OLFM3: variants seen among roughly 807,000 people sequenced by gnomAD.
The protein encoded by OLFM3 is noelin-3.
OLFM3 carries 20 observed loss-of-function variants against 48.6 expected under a neutral mutation model. The observed-to-expected ratio is 0.41, with a 90% confidence interval of 0.29 to 0.60. OLFM3 has a LOEUF of 0.60. Among genes scored for constraint, OLFM3 ranks in the 20% least tolerant of loss-of-function variants. The pLI, the probability that OLFM3 is intolerant of heterozygous loss-of-function variation, is 0.28. For missense variants in OLFM3, 437 were observed against 544.3 expected (o/e 0.80, Z 1.96); for synonymous variants, 222 against 198.1 (o/e 1.12, Z -1.01).
chr1:101,916,486 A>G (rs945566913), intron 1 of OLFM3, among the ~76,000 whole-genome samples: 1 of 152,132 alleles, frequency 6.6e-6, no homozygotes, highest in African/African-American at 2.4e-5. Context: ...TTGAAGAATC[A>G]GCATTCTGGC....
At chr1:101,902,517 T>C (rs1658421812) in intron 1 of OLFM3, among the ~76,000 whole-genome samples, 1 of 151,842 alleles carries the variant, frequency 6.6e-6, no homozygotes, top group Admixed American at 6.6e-5. Context: ...GAAATGAAAC[T>C]AAGAGGAACT....
chr1:101,837,179 T>G (rs944030450), intron 1 of OLFM3, 154 bp from the exon 2 acceptor site: 3 of 712,236 alleles, frequency 4.2e-6, no homozygotes, highest in Non-Finnish European at 6.7e-6. Context: ...ACAATTTATA[T>G]AGGCAGTATA....
chr1:101,871,465 T>A (rs185128125), intron 1 of OLFM3, among the ~76,000 whole-genome samples: 2 of 152,204 alleles, frequency 1.3e-5, no homozygotes, highest in East Asian at 1.9e-4. Context: ...TGTGTAAAAA[T>A]ATTGAGTGGT....
rs553225767 is a variant in OLFM3 at position 101,852,931 on chromosome 1, C to T, written c.70-15906G>A. On this transcript the variant is annotated intron_variant, in intron 1 of 5. Transcript: ENST00000370103. ...TTGTACCATCCCAGCTGCCACTGTGCTGCTTCAAGCCTCCATTGTCTTTTA... is the reference window on the plus strand; with the variant it reads ...TTGTACCATCCCAGCTGCCACTGTGTTGCTTCAAGCCTCCATTGTCTTTTA... Among the ~76,000 whole-genome samples, 5 of 152,256 alleles carry T rather than the reference C, an allele frequency of 3.3e-5. No homozygotes were observed. In the East Asian group the frequency reaches 5.8e-4, roughly 18 times the overall value.
At chr1:101,853,831 G>A (rs1120398) in intron 1 of OLFM3, among the ~76,000 whole-genome samples, 79,657 of 151,788 alleles carry the variant, frequency 0.52, 21,620 homozygotes, top group African/African-American at 0.64. Context: ...GAAACATTAT[G>A]CTTATAGTTA....
chr1:101,893,468 C>A, intron 1 of OLFM3: 1 of 279,928 alleles, frequency 3.6e-6, no homozygotes, highest in Non-Finnish European at 7.4e-6. Flanking sequence ...TTCATATTGA[C>A]AAAAGCATGA....
At chr1:101,826,750 A>G (rs1654883883) in intron 3 of OLFM3, among the ~76,000 whole-genome samples, 2 of 152,210 alleles carry the variant, frequency 1.3e-5, no homozygotes, top group African/African-American at 4.8e-5. Context: ...TTGGAAATAG[A>G]CTTATTAAAG....
chr1:101,957,977 A>G (rs1445620210), intron 1 of OLFM3, among the ~76,000 whole-genome samples: 1 of 152,098 alleles, frequency 6.6e-6, no homozygotes, highest in African/African-American at 2.4e-5. Flanking sequence ...AAAGAGGTGC[A>G]GCAACTGTGG....
chr1:101,871,214 G>C (rs1657072009), intron 1 of OLFM3, among the ~76,000 whole-genome samples: 1 of 151,886 alleles, frequency 6.6e-6, no homozygotes, highest in Admixed American at 6.6e-5. Flanking sequence ...GCTGACACAG[G>C]AATGAATATG....
rs186071850 is a variant in OLFM3 at position 101,895,810 on chromosome 1, A to T, written c.70-58785T>A. On this transcript the variant is annotated intron_variant, in intron 1 of 5. Coordinates refer to ENST00000370103, the MANE Select transcript of OLFM3 (RefSeq NM_058170.4). ...AATTTTTATGTTACACTGCAAATGA[A>T]AAACTTGCAAAATTTTCAGTGTTTG... Among the ~76,000 whole-genome samples the T allele has an allele frequency of 7.4e-3, 1,128 of 152,236 alleles. 3 individuals carry two copies. Among genetic ancestry groups the T allele is most frequent in the Admixed American group, 0.013 (192 of 15,292 alleles).
chr1:101,879,614 C>A (rs1251144857), intron 1 of OLFM3, among the ~76,000 whole-genome samples: 1 of 151,762 alleles, frequency 6.6e-6, no homozygotes, highest in Non-Finnish European at 1.5e-5. Flanking sequence ...ATTACTAATT[C>A]ACTTAATATA....
chr1:101,958,683 A>G (rs1282575358), intron 1 of OLFM3, among the ~76,000 whole-genome samples: 1 of 152,082 alleles, frequency 6.6e-6, no homozygotes, highest in Non-Finnish European at 1.5e-5. Context: ...TATAAAATGT[A>G]TGAACATGAG....
chr1:101,842,308 T>A (rs1344151079), intron 1 of OLFM3, among the ~76,000 whole-genome samples: 2 of 152,068 alleles, frequency 1.3e-5, no homozygotes, highest in Non-Finnish European at 2.9e-5. Context: ...CTGGGGCAGG[T>A]GGATGGCTTG....
chr1:101,814,670 G>C lies in OLFM3; in HGVS notation c.593-8488C>G, dbSNP rs77815914. 5.8e-3 allele frequency among the ~76,000 whole-genome samples: 881 copies of C among 152,314 alleles called. 5 individuals carry two copies. The highest frequency in any genetic ancestry group is 0.016 in the African/African-American group (682 of 41,570). ...AAAGTGGTTGGGGACATGGGTTAAA[G>C]AGTCGGCCTGGATTTGAATCCTGAT... On this transcript the variant is annotated intron_variant, in intron 4 of 5. Transcript: ENST00000370103.
Position 101,934,099 on chromosome 1 carries a change from C to G in OLFM3, c.69+62649G>C, listed in dbSNP as rs975262077. Among the ~76,000 whole-genome samples the G allele has an allele frequency of 4.0e-5, 6 of 151,790 alleles. 1 individual carries two copies. Among genetic ancestry groups the G allele is most frequent in the Non-Finnish European group, 7.4e-5 (5 of 68,014 alleles). On this transcript the variant is annotated intron_variant, in intron 1 of 5. Transcript: ENST00000370103. Reference sequence around the variant, plus strand: ...CCAGTTAAAAACATAATGTCAGGATCAAATCTGCACATATGAATATTAACC... The same window carrying G: ...CCAGTTAAAAACATAATGTCAGGATGAAATCTGCACATATGAATATTAACC...
intron 1 of OLFM3, among the ~76,000 whole-genome samples, chr1:101,925,151 A>G (rs1324983222): frequency 6.6e-6 from 1 of 152,144 alleles, no homozygotes; most frequent in African/African-American, 2.4e-5. Context: ...GGGAAGGAGA[A>G]TAGAATAGTT....
At chr1:101,934,858 C>A (rs951036093) in intron 1 of OLFM3, among the ~76,000 whole-genome samples, 1 of 151,816 alleles carries the variant, frequency 6.6e-6, no homozygotes, top group Admixed American at 6.6e-5. Context: ...CAACATATAC[C>A]CGAATGACTT....
At chr1:101,921,200 T>TACACACACACAC (rs142071103) in intron 1 of OLFM3, among the ~76,000 whole-genome samples, 3,671 of 148,104 alleles carry the variant, frequency 0.025, 52 homozygotes, top group Middle Eastern at 0.041. Context: ...TTTAAGTTTA[T>TACACACACACAC]ACACACACAC....
At chr1:101,815,260 C>A (rs980713270) in intron 4 of OLFM3, among the ~76,000 whole-genome samples, 1 of 151,934 alleles carries the variant, frequency 6.6e-6, no homozygotes, top group Non-Finnish European at 1.5e-5. Context: ...TCCTGGCTAA[C>A]ACGGTGAAAC....
Sources: allele counts gnomAD v4.1 joint callset (sites outside exome capture counted in the v4.1 genomes callset), GRCh38; gene constraint gnomAD v4.1.1; transcripts MANE v1.5; gene names NCBI Gene and HGNC (gene_info 2026-07-23, HGNC 2026-07-21).